The following BRD10 variants were observed in gnomAD, a reference collection of about 807,000 sequenced individuals.
The protein encoded by BRD10 is uncharacterized bromodomain-containing protein 10.
At chr9:5,942,334 T>C in the BRD10 span, among the ~76,000 whole-genome samples, 1 of 152,338 alleles carries the variant, frequency 6.6e-6, no homozygotes, top group African/African-American at 2.4e-5. Context: ...AAGGTTTACA[T>C]TTCAGTTATC....
the BRD10 span, chr9:5,922,548 C>T: frequency 9.8e-5 from 158 of 1,613,810 alleles, no homozygotes; most frequent in Non-Finnish European, 1.2e-4. Flanking sequence ...AAAACTGATG[C>T]TAAAGAAGAA....
chr9:5,932,277 T>C, the BRD10 span, among the ~76,000 whole-genome samples: 1 of 152,020 alleles, frequency 6.6e-6, no homozygotes, highest in African/African-American at 2.4e-5. Context: ...CAAAGAACAA[T>C]GATCATGTTT....
At chr9:5,932,540 T>C in the BRD10 span, among the ~76,000 whole-genome samples, 1 of 152,180 alleles carries the variant, frequency 6.6e-6, no homozygotes, top group African/African-American at 2.4e-5. Flanking sequence ...GTAGTAGATA[T>C]TATAAGTAAT....
the BRD10 span, among the ~76,000 whole-genome samples, chr9:5,950,570 G>C: frequency 6.6e-6 from 1 of 152,130 alleles, no homozygotes; most frequent in Non-Finnish European, 1.5e-5. Context: ...AAGGTCTTTT[G>C]GAGGATGAAA....
the BRD10 span, among the ~76,000 whole-genome samples, chr9:5,917,860 G>C: frequency 6.6e-6 from 1 of 152,122 alleles, no homozygotes; most frequent in African/African-American, 2.4e-5. Context: ...TCAAAAAAAA[G>C]AGAGAGATTT....
chr9:5,940,676 G>A, the BRD10 span, among the ~76,000 whole-genome samples: 5 of 152,116 alleles, frequency 3.3e-5, no homozygotes, highest in Non-Finnish European at 5.9e-5. Flanking sequence ...ATACACCATT[G>A]TGTACATTAC....
At chr9:5,952,745 C>G in the BRD10 span, among the ~76,000 whole-genome samples, 6 of 152,092 alleles carry the variant, frequency 3.9e-5, no homozygotes. Flanking sequence ...GCTTTGAGGA[C>G]TGAGAAAAAC....
chr9:5,908,068 A>G, the BRD10 span, among the ~76,000 whole-genome samples: 1 of 152,200 alleles, frequency 6.6e-6, no homozygotes, highest in Admixed American at 6.5e-5. Context: ...TCTGGAGCCA[A>G]ATTACTGTGT....
the BRD10 span, among the ~76,000 whole-genome samples, chr9:5,988,081 T>C: frequency 6.6e-6 from 1 of 152,218 alleles, no homozygotes; most frequent in Non-Finnish European, 1.5e-5. Context: ...ATTTAAAACT[T>C]ATAATTCACT....
At chr9:5,925,483 A>G in the BRD10 span, among the ~76,000 whole-genome samples, 1 of 152,136 alleles carries the variant, frequency 6.6e-6, no homozygotes, top group Non-Finnish European at 1.5e-5. Context: ...AAATGAGACA[A>G]CTAATTTTTT....
the BRD10 span, chr9:5,969,359 G>A: frequency 1.9e-6 from 3 of 1,610,762 alleles, no homozygotes; most frequent in African/African-American, 2.7e-5. Context: ...AGCTGCTTGA[G>A]CTAGAAGTTT....
At chr9:5,965,801 C>A in the BRD10 span, among the ~76,000 whole-genome samples, 33 of 152,266 alleles carry the variant, frequency 2.2e-4, no homozygotes, top group African/African-American at 7.0e-4. Flanking sequence ...AAAGTAAAGA[C>A]TGGATTAAGG....
chr9:5,957,591 T>G, the BRD10 span, among the ~76,000 whole-genome samples: 3 of 152,156 alleles, frequency 2.0e-5, no homozygotes, highest in Non-Finnish European at 2.9e-5. Flanking sequence ...GCTGTACTCT[T>G]TTTATGGTAA....
chr9:5,946,434 G>C, the BRD10 span, among the ~76,000 whole-genome samples: 799 of 152,100 alleles, frequency 5.3e-3, 3 homozygotes, highest in Non-Finnish European at 8.1e-3. Context: ...AAATGCTGAT[G>C]GTCAAGCAGT....
chr9:5,914,979 C>T, the BRD10 span, among the ~76,000 whole-genome samples: 1 of 152,006 alleles, frequency 6.6e-6, no homozygotes, highest in African/African-American at 2.4e-5. Flanking sequence ...AGAACCCCGC[C>T]AAGCCCAACA....
chr9:5,914,050 A>G, the BRD10 span: 1 of 452,844 alleles, frequency 2.2e-6, no homozygotes, highest in South Asian at 1.6e-5. Context: ...TGGCACACTT[A>G]AGAGAAAGCT....
At chr9:5,907,731 T>A in the BRD10 span, among the ~76,000 whole-genome samples, 1 of 152,218 alleles carries the variant, frequency 6.6e-6, no homozygotes, top group African/African-American at 2.4e-5. Context: ...GGTGGGTGGA[T>A]CACCTGATCT....
the BRD10 span, among the ~76,000 whole-genome samples, chr9:6,005,295 G>C: frequency 1.3e-5 from 2 of 152,050 alleles, no homozygotes; most frequent in African/African-American, 2.4e-5. Flanking sequence ...CGGATCACCT[G>C]AGGTCAGGAG....
chr9:5,977,338 G>C, the BRD10 span, among the ~76,000 whole-genome samples: 1 of 152,140 alleles, frequency 6.6e-6, no homozygotes, highest in Admixed American at 6.5e-5. Context: ...GAGATGTGAG[G>C]AAGGACAAAA....
Sources: allele counts gnomAD v4.1 joint callset (sites outside exome capture counted in the v4.1 genomes callset), GRCh38; gene constraint gnomAD v4.1.1; transcripts MANE v1.5; gene names NCBI Gene and HGNC (gene_info 2026-07-23, HGNC 2026-07-21).